PIEZO2: variants seen among roughly 807,000 people sequenced by gnomAD.
PIEZO2 encodes the protein piezo-type mechanosensitive ion channel component 2.
PIEZO2 carries 172 observed loss-of-function variants against 337.3 expected under a neutral mutation model. The ratio of observed to expected loss-of-function variants is 0.51; its 90% CI spans 0.45 to 0.58. The LOEUF (loss-of-function observed/expected upper bound fraction) is 0.58. Among genes scored for constraint, PIEZO2 ranks in the 20% least tolerant of loss-of-function variants. PIEZO2 has a pLI of 0.00. For synonymous variants in PIEZO2, 1,251 were observed against 1,228.5 expected, an observed-to-expected ratio of 1.02 and a Z score of -0.38; for missense variants, 3,028 against 3,391.3, an observed-to-expected ratio of 0.89 and a Z score of 2.66.
chr18:11,011,133 A>G (rs2035885726), intron 2 of PIEZO2, among the ~76,000 whole-genome samples: 1 of 152,242 alleles, frequency 6.6e-6, no homozygotes, highest in South Asian at 2.1e-4. Context: ...AAAGACTGCA[A>G]TGGGACCTGG....
intron 2 of PIEZO2, among the ~76,000 whole-genome samples, chr18:10,984,978 A>G (rs2034812371): frequency 6.6e-6 from 1 of 152,096 alleles, no homozygotes; most frequent in African/African-American, 2.4e-5. Context: ...CAAGAATACT[A>G]TACCTGTCAA....
rs924183564 is a variant in PIEZO2 at position 11,110,809 on chromosome 18, C to G, written c.64+37716G>C. 6.6e-6 allele frequency among the ~76,000 whole-genome samples: 1 copy of G among 151,376 alleles called. No homozygotes were observed. The highest frequency in any genetic ancestry group is 6.6e-5 in the Admixed American group (1 of 15,190). On this transcript the variant is annotated intron_variant, in intron 1 of 55. Coordinates refer to ENST00000674853, the MANE Select transcript of PIEZO2 (RefSeq NM_001378183.1). This position sits in a 1 kb window ranked among gnomAD's most constrained non-coding sequence, Gnocchi z 4.2. ...TTTCCTTTGGAACACACAGTATTGA[C>G]CAGCACAGTGTTTTAAACTTGAAGT... is the stretch of plus-strand genomic sequence containing the variant.
In PIEZO2 at chr18:10,692,939, T is replaced by C. The variant is rs79797975; in HGVS notation, c.7191-1556A>G. 6.7e-3 allele frequency among the ~76,000 whole-genome samples: 1,015 copies of C among 152,288 alleles called. 3 individuals are homozygous for C. Among genetic ancestry groups the C allele is most frequent in the Non-Finnish European group, 0.011 (767 of 68,024 alleles). ...TTTGATGTGCACCGTGGTCAATCTA[T>C]AGATCAATTTGGGGAGAAACTGCAT... On this transcript the variant is annotated intron_variant, in intron 47 of 55. Transcript: ENST00000674853.
intron 7 of PIEZO2, among the ~76,000 whole-genome samples, chr18:10,820,980 C>A (rs567443154): frequency 5.9e-5 from 9 of 152,132 alleles, no homozygotes; most frequent in Non-Finnish European, 1.3e-4. Context: ...GTTCTTTCCC[C>A]GGGAGTTTTG....
chr18:10,737,186 C>G (rs1444728832), intron 33 of PIEZO2, among the ~76,000 whole-genome samples: 2 of 151,332 alleles, frequency 1.3e-5, no homozygotes. Flanking sequence ...GATTCAGGAC[C>G]AAGGTCAGTG....
In PIEZO2 at chr18:10,748,934, G is replaced by C. The variant is rs78011635; in HGVS notation, c.4265-304C>G. Among the ~76,000 whole-genome samples, 127 of 152,128 alleles carry C rather than the reference G, an allele frequency of 8.3e-4. No individual in the cohort carries two copies. In the East Asian group the frequency reaches 0.014, roughly 16 times the overall value. ...TAGGAAGAAAGGGACCTCCAACAAA[G>C]GCCACAGAGAAATAATGTCCCAGTG... On this transcript the variant is annotated intron_variant, in intron 29 of 55. Transcript: ENST00000674853. The surrounding 1 kb of genome is among the most constrained non-coding windows in gnomAD (Gnocchi z 5.1).
At chr18:10,674,949 T>G (rs2033927745) in intron 54 of PIEZO2, among the ~76,000 whole-genome samples, 2 of 152,190 alleles carry the variant, frequency 1.3e-5, no homozygotes, top group Admixed American at 1.3e-4. Flanking sequence ...ATCTGATGAA[T>G]CAGTACTATA....
At position 10,760,646 on chromosome 18, in the gene PIEZO2, C is replaced by A. The variant is rs35843317; in HGVS notation, c.3450+265G>T. Among the ~76,000 whole-genome samples the A allele has an allele frequency of 0.21, 31,532 of 152,176 alleles. 3,949 individuals carry two copies. The highest frequency in any genetic ancestry group is 0.28 in the South Asian group (1,367 of 4,822). ...ATTCTTAATAAGAAACCTGTTAACACGGCAACTGATGGCCATGCATTTAGA... is the reference window on the plus strand; with the variant it reads ...ATTCTTAATAAGAAACCTGTTAACAAGGCAACTGATGGCCATGCATTTAGA... On this transcript the variant is annotated intron_variant, in intron 24 of 55. Transcript: ENST00000674853.
Position 10,752,622 on chromosome 18 carries a change from T to C in PIEZO2, c.4167+14A>G. Reference sequence around the variant, plus strand: ...CGAAAACCGCAAATGTGTTATGCAGTGGCAACCACTTACTGACAGGATATT... The same window carrying C: ...CGAAAACCGCAAATGTGTTATGCAGCGGCAACCACTTACTGACAGGATATT... On this transcript the variant is annotated intron_variant, in intron 28 of 55. Coordinates refer to ENST00000674853, the MANE Select transcript of PIEZO2 (RefSeq NM_001378183.1). 3 of 1,536,574 alleles carry C rather than the reference T, an allele frequency of 2.0e-6. No homozygotes were observed. Among genetic ancestry groups the C allele is most frequent in the Non-Finnish European group, 2.6e-6 (3 of 1,146,396 alleles).
At chr18:10,961,894 A>T (rs1292227049) in intron 3 of PIEZO2, among the ~76,000 whole-genome samples, 1 of 152,210 alleles carries the variant, frequency 6.6e-6, no homozygotes, top group Non-Finnish European at 1.5e-5. Flanking sequence ...AGAAATAGAC[A>T]CAAGGACTTT....
At chr18:11,037,320 GA>G (rs1266007833) in intron 2 of PIEZO2, among the ~76,000 whole-genome samples, 2 of 152,118 alleles carry the variant, frequency 1.3e-5, no homozygotes, top group African/African-American at 4.8e-5. Context: ...ATGTATCCTA[GA>G]AATTGTATGC....
At chr18:10,782,780 C>T (rs968278560) in intron 17 of PIEZO2, among the ~76,000 whole-genome samples, 6 of 151,854 alleles carry the variant, frequency 4.0e-5, no homozygotes, top group Non-Finnish European at 5.9e-5. Flanking sequence ...GCTGAGGAAA[C>T]ATAGAACCTA....
rs552511565 is a variant in PIEZO2 at position 11,109,923 on chromosome 18, T to G, written c.64+38602A>C. Among the ~76,000 whole-genome samples, 1 of 152,222 alleles carries G rather than the reference T, an allele frequency of 6.6e-6. No homozygotes were observed. The highest frequency in any genetic ancestry group is 1.5e-5 in the Non-Finnish European group (1 of 68,042). On this transcript the variant is annotated intron_variant, in intron 1 of 55. Transcript: ENST00000674853. This position sits in a 1 kb window ranked among gnomAD's most constrained non-coding sequence, Gnocchi z 5.1. ...ATCTAAAGTGGAACGGAAGAATTTA[T>G]TTTTTAATCAGAAGTCAGACAGAAA...
chr18:10,997,828 C>A (rs113997452), intron 2 of PIEZO2, among the ~76,000 whole-genome samples: 1,994 of 142,006 alleles, frequency 0.014, 44 homozygotes, highest in African/African-American at 0.046. Flanking sequence ...CAAAGGAGAG[C>A]AGAAAGATTG....
At chr18:10,925,197 A>G (rs965315624) in intron 3 of PIEZO2, among the ~76,000 whole-genome samples, 2 of 152,234 alleles carry the variant, frequency 1.3e-5, no homozygotes, top group African/African-American at 2.4e-5. Context: ...TGTGTCACAC[A>G]TTTCAAGATT....
chr18:11,040,122 G>T (rs1258015963), intron 2 of PIEZO2, among the ~76,000 whole-genome samples: 2 of 145,280 alleles, frequency 1.4e-5, no homozygotes, highest in African/African-American at 2.5e-5. Flanking sequence ...AAAAAAAAAA[G>T]GCTTCATATC....
intron 9 of PIEZO2, 103 bp downstream of exon 9, chr18:10,803,772 C>T (rs1043797474): frequency 2.0e-5 from 28 of 1,373,918 alleles, no homozygotes; most frequent in Non-Finnish European, 2.7e-5. Flanking sequence ...TACAAGCAAC[C>T]TGAATATGAT....
intron 7 of PIEZO2, among the ~76,000 whole-genome samples, chr18:10,831,783 C>T (rs546461774): frequency 2.0e-5 from 3 of 152,260 alleles, no homozygotes; most frequent in East Asian, 1.9e-4. Context: ...TATATACCTA[C>T]TATGTACCCA....
chr18:10,971,533 C>T lies in PIEZO2; in HGVS notation c.286+8002G>A, dbSNP rs146495171. Among the ~76,000 whole-genome samples, 9 of 152,182 alleles carry T rather than the reference C, an allele frequency of 5.9e-5. No individual in the cohort carries two copies. The East Asian group carries it at 1.7e-3, about 30-fold the overall frequency. On this transcript the variant is annotated intron_variant, in intron 3 of 55. Transcript: ENST00000674853. ...TCAAGGAGGCTGGGAAAACATATCC[C>T]CAATGATGAATGCACACCCAGCTCC...
Sources: allele counts gnomAD v4.1 joint callset (sites outside exome capture counted in the v4.1 genomes callset), GRCh38; gene constraint gnomAD v4.1.1; non-coding constraint Gnocchi (gnomAD v3.1); transcripts MANE v1.5; gene names NCBI Gene and HGNC (gene_info 2026-07-23, HGNC 2026-07-21).